CLIC5: variants seen among roughly 807,000 people sequenced by gnomAD.
CLIC5 encodes the protein chloride intracellular channel protein 5.
In CLIC5, 20 loss-of-function variants were observed where a neutral mutation model predicts 24.7. The observed-to-expected ratio is 0.81, with a 90% confidence interval of 0.57 to 1.18. The LOEUF is 1.18. CLIC5 is among the 50% of genes most tolerant of loss of function. CLIC5 has a pLI of 0.00. For synonymous variants in CLIC5, 159 were observed against 135.6 expected, an observed-to-expected ratio of 1.17 and a Z score of -1.20; for missense variants, 341 against 326.1, an observed-to-expected ratio of 1.05 and a Z score of -0.35.
intron 1 of CLIC5, among the ~76,000 whole-genome samples, chr6:45,985,758 C>T (rs1225252423): frequency 6.6e-6 from 1 of 152,112 alleles, no homozygotes; most frequent in Non-Finnish European, 1.5e-5. Context: ...TCCAGTGACT[C>T]TTTTTGGGTA....
intron 1 of CLIC5, among the ~76,000 whole-genome samples, chr6:45,998,410 G>A (rs1766230108): frequency 6.6e-6 from 1 of 152,162 alleles, no homozygotes; most frequent in African/African-American, 2.4e-5. Flanking sequence ...AGCACCCCAA[G>A]TGCAGGGGAA....
At chr6:46,089,617 G>A in the CLIC5 span, among the ~76,000 whole-genome samples, 1 of 152,076 alleles carries the variant, frequency 6.6e-6, no homozygotes, top group Non-Finnish European at 1.5e-5. Flanking sequence ...TGGGTAGAAA[G>A]ATTAAATGAC....
chr6:46,066,661 T>A (rs1762452588), intron 1 of CLIC5, among the ~76,000 whole-genome samples: 1 of 152,138 alleles, frequency 6.6e-6, no homozygotes, highest in South Asian at 2.1e-4. Flanking sequence ...AGTGCTTTCC[T>A]TGTGGAGCTT....
chr6:45,906,593 G>T (rs1300884196), intron 5 of CLIC5, among the ~76,000 whole-genome samples: 10 of 142,966 alleles, frequency 7.0e-5, no homozygotes, highest in African/African-American at 2.7e-4. Flanking sequence ...ATGGAGTTTC[G>T]CTCTTGTTGC....
upstream of CLIC5, chr6:46,015,911 G>T: frequency 2.0e-6 from 2 of 1,011,280 alleles, no homozygotes; most frequent in Non-Finnish European, 2.4e-6. Flanking sequence ...GCAGGGCGGG[G>T]TCAGCCGGGC....
intron 5 of CLIC5, 121 bp downstream of exon 5, chr6:45,914,107 C>T: frequency 1.3e-6 from 1 of 751,272 alleles, no homozygotes; most frequent in Non-Finnish European, 1.9e-6. Flanking sequence ...TCCTTATTAC[C>T]TGACTTCAGG....
At chr6:46,086,417 A>G in the CLIC5 span, among the ~76,000 whole-genome samples, 1 of 152,206 alleles carries the variant, frequency 6.6e-6, no homozygotes, top group African/African-American at 2.4e-5. Flanking sequence ...TAAGTGATAG[A>G]TAAGTGGACA....
intron 1 of CLIC5, among the ~76,000 whole-genome samples, chr6:45,974,493 GTGTGTATATATA>G (rs1383817038): frequency 1.1e-4 from 9 of 85,402 alleles, no homozygotes; most frequent in African/African-American, 2.2e-4. Context: ...CTGTGTGTGT[GTGTGTATATATA>G]TATATATATA....
At chr6:45,945,318 G>A (rs561621096) in intron 3 of CLIC5, among the ~76,000 whole-genome samples, 6 of 152,322 alleles carry the variant, frequency 3.9e-5, no homozygotes, top group South Asian at 2.1e-4. Flanking sequence ...TCATTTGCCT[G>A]TAGCGGAGAA....
chr6:46,126,998 C>T, the CLIC5 span, among the ~76,000 whole-genome samples: 5 of 152,252 alleles, frequency 3.3e-5, no homozygotes, highest in African/African-American at 4.8e-5. Context: ...CAGTCTTGAG[C>T]GTAGTTCATG....
intron 1 of CLIC5, among the ~76,000 whole-genome samples, chr6:45,973,456 G>A (rs187139505): frequency 1.3e-5 from 2 of 152,212 alleles, no homozygotes; most frequent in East Asian, 3.9e-4. Context: ...TTGTCTCAGG[G>A]TTTCTATTTG....
the CLIC5 span, among the ~76,000 whole-genome samples, chr6:46,101,619 TGGA>T: frequency 6.6e-6 from 1 of 152,172 alleles, no homozygotes; most frequent in African/African-American, 2.4e-5. Context: ...CTGGCTTGTG[TGGA>T]GATTTGGCTA....
At chr6:45,929,159 C>T (rs1394234629) in intron 4 of CLIC5, among the ~76,000 whole-genome samples, 2 of 152,100 alleles carry the variant, frequency 1.3e-5, no homozygotes, top group Non-Finnish European at 2.9e-5. Context: ...CAACAGGCCA[C>T]GCCACCACCA....
chr6:46,039,773 A>C (rs894837263), intron 1 of CLIC5, among the ~76,000 whole-genome samples: 1 of 152,224 alleles, frequency 6.6e-6, no homozygotes, highest in Non-Finnish European at 1.5e-5. Context: ...GCTTTTCTTC[A>C]AAATGAGATC....
Position 45,898,537 on chromosome 6 carries a change from T to C in CLIC5, c.*4551A>G, listed in dbSNP as rs1188672701. ...AACACAAATTGGTAATTGGTTCAGA[T>C]TCATGAGGAAAACACTCAGCTGTAT... On this transcript the variant is annotated 3_prime_UTR_variant, in exon 6 of 6. Coordinates refer to ENST00000339561, the MANE Select transcript of CLIC5 (RefSeq NM_016929.5). The C allele has an allele frequency of 1.3e-5, 2 of 151,388 alleles. No homozygotes were observed. Among genetic ancestry groups the C allele is most frequent in the Non-Finnish European group, 2.9e-5 (2 of 67,992 alleles). The allele number at this position is 151,388 out of a possible 1,614,324, so 9.4% of individuals were successfully genotyped here.
At chr6:45,922,027 G>A (rs940515371) in intron 4 of CLIC5, among the ~76,000 whole-genome samples, 1 of 152,150 alleles carries the variant, frequency 6.6e-6, no homozygotes, top group Non-Finnish European at 1.5e-5. Flanking sequence ...GACAAACAGC[G>A]GTTTATGAGA....
At chr6:45,886,114 A>G (rs897201782) in intron 6 of CLIC5, among the ~76,000 whole-genome samples, 1 of 152,204 alleles carries the variant, frequency 6.6e-6, no homozygotes, top group Admixed American at 6.5e-5. Context: ...GCTTCTACCA[A>G]TAAGAAGGAG....
chr6:45,914,302 G>C lies in CLIC5; in HGVS notation c.514C>G (p.Arg172Gly). The part of the protein sequence containing the change: ...ANTCGEDKGS[R>G]RKFLDGDELT... The stretch of plus-strand genomic sequence containing the variant: ...TCATCCCCATCCAGGAACTTGCGCC[G>C]GGACCCCTTGTCTTCCCCACAAGTG... The change falls in exon 5 of 6, where the codon CGG becomes GGG. Residue 172 changes from arginine to glycine, a missense_variant. Transcript: ENST00000339561. 1 of 1,606,962 alleles carries C rather than the reference G, an allele frequency of 6.2e-7. No individual in the cohort carries two copies. Among genetic ancestry groups the C allele is most frequent in the Non-Finnish European group, 8.5e-7 (1 of 1,175,272 alleles).
intron 4 of CLIC5, chr6:45,920,310 G>A (rs562733633): frequency 4.1e-6 from 4 of 982,690 alleles, no homozygotes; most frequent in Non-Finnish European, 4.8e-6. Flanking sequence ...TGTCACACGG[G>A]CTGTGTGACA....
Sources: gnomAD v4.1 joint callset for allele counts (sites outside exome capture counted in the v4.1 genomes callset) on GRCh38, gnomAD v4.1.1 for gene constraint, MANE v1.5 for transcripts, NCBI Gene and HGNC (gene_info 2026-07-23, HGNC 2026-07-21) for gene names.